The following MED23 variants were observed in gnomAD, a reference collection of about 807,000 sequenced individuals.
The protein encoded by MED23 is mediator complex subunit 23, also known as mediator of RNA polymerase II transcription subunit 23.
In MED23, 105 loss-of-function variants were observed where a neutral mutation model predicts 163.9. That is an observed-to-expected ratio of 0.64 (90% CI 0.55 to 0.75). MED23 has a LOEUF of 0.75. Among genes scored for constraint, MED23 ranks in the 30% least tolerant of loss-of-function variants. The pLI is 0.00. For missense variants in MED23, 1,054 were observed against 1,649.0 expected (o/e 0.64, Z 6.25); for synonymous variants, 561 against 565.6 (o/e 0.99, Z 0.12).
chr6:131,579,212 G>C, intron 30 of MED23: 1 of 1,614,082 alleles, frequency 6.2e-7, no homozygotes. Context: ...AAAAGCAAGC[G>C]AGCAGCTGGC....
Position 131,599,984 on chromosome 6 carries a change from G to A in MED23, c.2220+54C>T, listed in dbSNP as rs77533824. On this transcript the variant is annotated intron_variant, in intron 18 of 28. Transcript: ENST00000368068. ...AAGACTCACTCTAGAACACCATTGT[G>A]AATGGGAAGAAGGATTTCATGTGCA... is the stretch of plus-strand genomic sequence containing the variant. 2,602 of 1,599,784 alleles carry A rather than the reference G, an allele frequency of 1.6e-3. 31 individuals are homozygous for A. The African/African-American group carries it at 0.025, about 15-fold the overall frequency.
chr6:131,608,082 T>C lies in MED23; in HGVS notation c.1078-11A>G, dbSNP rs370398990. The C allele has an allele frequency of 5.0e-6, 8 of 1,613,328 alleles. No homozygotes were observed. The African/African-American group carries it at 1.1e-4, about 22-fold the overall frequency. ...TCCTCGCCCTGCTAACTATAAAAGA[T>C]GTTTAAATACACATGTATACACTGC... On this transcript the variant is annotated splice_polypyrimidine_tract_variant and intron_variant, in intron 11 of 28. Coordinates refer to ENST00000368068, the MANE Select transcript of MED23 (RefSeq NM_004830.4).
chr6:131,592,801 T>A, intron 24 of MED23: 1 of 641,862 alleles, frequency 1.6e-6, no homozygotes, highest in East Asian at 2.7e-5. Flanking sequence ...TGAGTAGAAG[T>A]AGGAACAAAC....
chr6:131,624,768 T>C, intron 4 of MED23, 97 bp downstream of exon 4: 5 of 1,367,152 alleles, frequency 3.7e-6, no homozygotes, highest in Non-Finnish European at 5.2e-6. Context: ...CACCTTCTTC[T>C]TCATTCTCTT....
chr6:131,626,407 G>A (rs1777505974), intron 3 of MED23, among the ~76,000 whole-genome samples: 1 of 151,740 alleles, frequency 6.6e-6, no homozygotes, highest in Non-Finnish European at 1.5e-5. Flanking sequence ...ATATTATGCT[G>A]CTATTTAAAA....
chr6:131,605,919 T>A (rs960310277), intron 13 of MED23, among the ~76,000 whole-genome samples: 3 of 152,128 alleles, frequency 2.0e-5, no homozygotes, highest in African/African-American at 7.2e-5. Flanking sequence ...AATCCTGCCA[T>A]CTCCTGTGAA....
In MED23 at chr6:131,599,743, C is replaced by CT. The variant is rs764052228; in HGVS notation, c.2220+294dup. 3.8e-3 allele frequency among the ~76,000 whole-genome samples: 546 copies of CT among 144,108 alleles called. 3 individuals carry two copies. Among genetic ancestry groups the CT allele is most frequent in the Middle Eastern group, 0.015 (4 of 274 alleles). 94.5% of individuals were successfully genotyped at this position (144,108 alleles called of 152,430 possible). ...ACTTGAGAGATTTTGTAAGTAATGA[C>CT]TTTTTTTTTTTTTTCTACAGACAGG... On this transcript the variant is annotated intron_variant, in intron 18 of 28. Transcript: ENST00000368068.
chr6:131,606,444 C>T (rs202143793), intron 13 of MED23, 35 bp downstream of exon 13: 112 of 1,601,802 alleles, frequency 7.0e-5, no homozygotes, highest in Non-Finnish European at 8.9e-5. Flanking sequence ...ATTAATTAAA[C>T]AAGAAAATTA....
downstream of MED23, chr6:131,583,161 G>A (rs1358115389): frequency 6.2e-7 from 1 of 1,613,054 alleles, no homozygotes; most frequent in African/African-American, 1.3e-5. Flanking sequence ...TATCTACTAG[G>A]AAGGTAGGAT....
intron 30 of MED23, chr6:131,579,576 G>A (rs1773811317): frequency 1.0e-5 from 3 of 285,770 alleles, no homozygotes; most frequent in African/African-American, 4.4e-5. Context: ...ATAAGTATGT[G>A]AGGCAATTCA....
intron 22 of MED23, 65 bp from the exon 23 acceptor site, chr6:131,594,400 C>A: frequency 8.2e-7 from 1 of 1,221,488 alleles, no homozygotes. Context: ...AAAAACTGAT[C>A]AACTGCTTTC....
Position 131,598,398 on chromosome 6 carries a change from A to T in MED23, c.2496T>A (p.Tyr832Ter). The T allele has an allele frequency of 6.2e-7, 1 of 1,614,196 alleles. No homozygotes were observed. Among genetic ancestry groups the T allele is most frequent in the Non-Finnish European group, 8.5e-7 (1 of 1,180,030 alleles). Residue 832 changes from tyrosine to a stop codon, truncating the protein, a stop_gained, in exon 20 of 29, where the codon TAT becomes TAA. Transcript: ENST00000368068. LOFTEE classifies it high-confidence loss of function. The surrounding 1 kb of genome is among the most constrained non-coding windows in gnomAD (Gnocchi z 4.7). ...HVRTFADFLV[Y>*]EFSTSAGGQQ... is the part of the protein sequence containing the mutation. ...GACCCCCTGCTGATGTAGAAAACTC[A>T]TATACCAGGAAATCTGCAAATGTCC...
In MED23 at chr6:131,587,851, G is replaced by A; in HGVS notation, c.3940-5C>T. The A allele has an allele frequency of 6.2e-7, 1 of 1,608,810 alleles. No homozygotes were observed. The highest frequency in any genetic ancestry group is 8.5e-7 in the Non-Finnish European group (1 of 1,176,614). ...GTTACAGATAATCTTCTCTACCTAAGAAATAAAAACACATTAAAACGTACT... is the reference window on the plus strand; with the variant it reads ...GTTACAGATAATCTTCTCTACCTAAAAAATAAAAACACATTAAAACGTACT... On this transcript the variant is annotated splice_region_variant and splice_polypyrimidine_tract_variant and intron_variant, in intron 28 of 28. Transcript: ENST00000368068.
intron 9 of MED23, 46 bp from the exon 10 acceptor site, chr6:131,616,048 A>G: frequency 7.1e-7 from 1 of 1,407,794 alleles, no homozygotes. Context: ...CAATGTCAAC[A>G]TTAATCCAAA....
intron 13 of MED23, 137 bp from the exon 14 acceptor site, chr6:131,605,622 G>A: frequency 1.2e-6 from 1 of 846,276 alleles, no homozygotes; most frequent in South Asian, 2.0e-5. Flanking sequence ...TAGTTTCTGT[G>A]TGAAATGTAC....
Position 131,610,242 on chromosome 6 carries a change from T to C in MED23, c.881A>G (p.Lys294Arg). The C allele has an allele frequency of 1.2e-6, 2 of 1,613,714 alleles. No individual in the cohort carries two copies. The highest frequency in any genetic ancestry group is 1.7e-6 in the Non-Finnish European group (2 of 1,179,758). ...CNMLGLNKQH[K>R]QRCPVLEDQL... is the part of the protein sequence containing the mutation. ...GTCCTCCAGCACAGGGCAGCGCTGC[T>C]TGTGCTGTAGGGCAGAGATTAAATA... Residue 294 changes from lysine (K) to arginine (R), a missense_variant, in exon 11 of 29, where the codon AAG (lysine) becomes AGG (arginine). Lys to Arg is a conservative substitution (Grantham distance 26). Around this residue, in one of 11 missense-constraint regions of MED23, gnomAD observed 26 missense variants for 28.4 expected, o/e 0.92. Transcript: ENST00000368068.
intron 10 of MED23, among the ~76,000 whole-genome samples, chr6:131,610,626 C>G (rs1456437849): frequency 6.6e-6 from 1 of 152,072 alleles, no homozygotes; most frequent in Non-Finnish European, 1.5e-5. Flanking sequence ...CAATCTAAGT[C>G]AAAAGATGAA....
chr6:131,618,385 G>C (rs1015099216), intron 9 of MED23, 22 bp downstream of exon 9: 1 of 1,494,990 alleles, frequency 6.7e-7, no homozygotes, highest in African/African-American at 1.4e-5. Flanking sequence ...GACTAAAAGT[G>C]CCATTATATT....
At chr6:131,584,395 CA>C (rs1260897089), downstream of MED23, 15 of 154,828 alleles carry the variant, frequency 9.7e-5, no homozygotes, top group Non-Finnish European at 4.3e-5. Flanking sequence ...CACACACACA[CA>C]CCCCACATTC....
Sources: allele counts gnomAD v4.1 joint callset (sites outside exome capture counted in the v4.1 genomes callset), GRCh38; gene constraint gnomAD v4.1.1; regional missense constraint gnomAD v4.1.1; non-coding constraint Gnocchi (gnomAD v3.1); transcripts MANE v1.5; gene names NCBI Gene and HGNC (gene_info 2026-07-23, HGNC 2026-07-21).